MKKS: variants seen among roughly 807,000 people sequenced by gnomAD.
MKKS encodes MKKS centrosomal shuttling protein.
In MKKS, 29 loss-of-function variants were observed where a neutral mutation model predicts 33.2. That is an observed-to-expected ratio of 0.87 (90% CI 0.65 to 1.19). The LOEUF is 1.19. Ranked by LOEUF, MKKS falls within the 50% of genes most tolerant of loss-of-function variation. The pLI is 0.00. For missense variants in MKKS, 661 were observed against 662.3 expected (o/e 1.00, Z 0.02); for synonymous variants, 260 against 244.0 (o/e 1.07, Z -0.61).
chr20:10,412,772 A>T lies in MKKS; in HGVS notation c.743T>A (p.Leu248Ter). ...TCCAGTGTCAGAAGTGTCTCCGGAT[A>T]AAGTTGTACAAAAGAGTGCCACCTT... Reference protein sequence around the residue: ...ALKVALFCTTLSGDTSDTGEG... With the variant: ...ALKVALFCTT The change falls in exon 3 of 6, where the codon TTA becomes TAA. Residue 248 changes from leucine to a stop codon, truncating the protein, a stop_gained. Transcript: ENST00000347364. LOFTEE classifies it high-confidence loss of function. 1.9e-6 allele frequency: 3 copies of T among 1,614,198 alleles called. No individual in the cohort carries two copies. The highest frequency in any genetic ancestry group is 2.5e-6 in the Non-Finnish European group (3 of 1,180,042).
intron 1 of MKKS, among the ~76,000 whole-genome samples, chr20:10,432,928 G>A (rs187029399): frequency 3.6e-4 from 55 of 152,008 alleles, no homozygotes; most frequent in Admixed American, 1.8e-3. Context: ...TTGTTACACT[G>A]CAGTGTTTAG....
intron 2 of MKKS, among the ~76,000 whole-genome samples, chr20:10,414,485 G>A (rs895224237): frequency 6.6e-6 from 1 of 151,948 alleles, no homozygotes; most frequent in Non-Finnish European, 1.5e-5. Context: ...GGTTGGTCTC[G>A]AACTCCTGAC....
chr20:10,430,046 C>A (rs1439792633), intron 1 of MKKS, among the ~76,000 whole-genome samples: 1 of 148,478 alleles, frequency 6.7e-6, no homozygotes, highest in Non-Finnish European at 1.5e-5. Context: ...AACAAAAAAA[C>A]AAAAACAAAA....
In MKKS at chr20:10,420,703, ACTTTGTAGT is replaced by A. The variant is rs910464672; in HGVS notation, c.-602_-594del. 18 of 152,134 alleles carry A rather than the reference ACTTTGTAGT, an allele frequency of 1.2e-4. No homozygotes were observed. The highest frequency in any genetic ancestry group is 3.6e-4 in the African/African-American group (15 of 41,432). The allele number at this position is 152,134 out of a possible 1,614,324, so 9.4% of individuals were successfully genotyped here. On this transcript the variant is annotated 5_prime_UTR_variant, in exon 2 of 6. Coordinates refer to ENST00000347364, the MANE Select transcript of MKKS (RefSeq NM_170784.3). ...AACTAAAGGGACCATAACAACCAAAACTTTGTAGTCTCTCCACAAGTTCCGAAGGCTCAT... is the reference window on the plus strand; with the variant it reads ...AACTAAAGGGACCATAACAACCAAAACTCTCCACAAGTTCCGAAGGCTCAT...
chr20:10,426,159 T>C (rs1243549660), intron 1 of MKKS, among the ~76,000 whole-genome samples: 3 of 152,230 alleles, frequency 2.0e-5, no homozygotes, highest in African/African-American at 7.2e-5. Flanking sequence ...GAAGAAACAT[T>C]AAATGATTGA....
At chr20:10,410,682 C>G (rs2122229987) in intron 3 of MKKS, among the ~76,000 whole-genome samples, 1 of 152,226 alleles carries the variant, frequency 6.6e-6, no homozygotes, top group Admixed American at 6.5e-5. Flanking sequence ...GGCACCCATC[C>G]ACAGTAACAC....
chr20:10,408,478 A>T, intron 4 of MKKS, 150 bp downstream of exon 4: 1 of 764,052 alleles, frequency 1.3e-6, no homozygotes, highest in Non-Finnish European at 2.2e-6. Flanking sequence ...ACAGGCATTT[A>T]AATTAGCTTA....
rs1304026081 is a variant in MKKS, at chr20:10,403,611, C to T, written c.*1636G>A. On this transcript the variant is annotated 3_prime_UTR_variant, in exon 6 of 6. Transcript: ENST00000347364. ...AGAAAAGTTATCTGCCTTCTACTCA[C>T]AGCATAAAATTATGGATAAGGCATA... 1 of 152,184 alleles carries T rather than the reference C, an allele frequency of 6.6e-6. No individual in the cohort carries two copies. The highest frequency in any genetic ancestry group is 1.5e-5 in the Non-Finnish European group (1 of 68,048). The allele number at this position is 152,184 out of a possible 1,614,324, so 9.4% of individuals were successfully genotyped here.
intron 2 of MKKS, among the ~76,000 whole-genome samples, chr20:10,419,922 C>T (rs1002223414): frequency 1.3e-5 from 2 of 152,174 alleles, no homozygotes; most frequent in Non-Finnish European, 2.9e-5. Flanking sequence ...GAAAGCCAAA[C>T]TGCGGATAAA....
intron 2 of MKKS, among the ~76,000 whole-genome samples, chr20:10,418,695 C>T (rs536985021): frequency 3.2e-4 from 48 of 152,074 alleles, no homozygotes; most frequent in Non-Finnish European, 6.0e-4. Flanking sequence ...TTTCTTTTTG[C>T]ATGAGAAGAA....
At position 10,403,365 on chromosome 20, in the gene MKKS, G is replaced by A. The variant is rs2064820818; in HGVS notation, c.*1882C>T. The A allele has an allele frequency of 6.6e-6, 1 of 152,182 alleles. No homozygotes were observed. Among genetic ancestry groups the A allele is most frequent in the African/African-American group, 2.4e-5 (1 of 41,424 alleles). 9.4% of individuals were successfully genotyped at this position (152,182 alleles called of 1,614,324 possible). On this transcript the variant is annotated 3_prime_UTR_variant, in exon 6 of 6. Coordinates refer to ENST00000347364, the MANE Select transcript of MKKS (RefSeq NM_170784.3). ...AGTGAGATTATTGGGAACCATCTTA[G>A]AGGCTGCCTACCACATGCAAAATAC...
At position 10,413,586 on chromosome 20, in the gene MKKS, C is replaced by G. The variant is rs918176570; in HGVS notation, c.-72G>C. On this transcript the variant is annotated 5_prime_UTR_variant, in exon 3 of 6. Transcript: ENST00000347364. ...CACATTTTTCTATTTATTGCATTAT[C>G]ACGTTTTAACATTAAAAATTATTCT... 1.3e-6 allele frequency: 2 copies of G among 1,486,718 alleles called. No individual in the cohort carries two copies. The highest frequency in any genetic ancestry group is 1.4e-5 in the African/African-American group (1 of 71,962). 92.1% of individuals were successfully genotyped at this position (1,486,718 alleles called of 1,614,324 possible).
At chr20:10,419,446 C>T (rs2064964054) in intron 2 of MKKS, among the ~76,000 whole-genome samples, 2 of 152,118 alleles carry the variant, frequency 1.3e-5, no homozygotes, top group African/African-American at 4.8e-5. Flanking sequence ...TGCAGTGAAA[C>T]TCAATTTTCA....
rs1365841743 is a variant in MKKS at position 10,403,080 on chromosome 20, C to T, written c.*2167G>A. On this transcript the variant is annotated 3_prime_UTR_variant, in exon 6 of 6. Transcript: ENST00000347364. ...ACTGGGGAGAACCTGCTTCCAAATT[C>T]ACTCTTGTGGTTATTGGTACGATTC... is the stretch of plus-strand genomic sequence containing the variant. 3.3e-5 allele frequency: 5 copies of T among 152,164 alleles called. No individual in the cohort carries two copies. The highest frequency in any genetic ancestry group is 1.2e-4 in the African/African-American group (5 of 41,428). The allele number at this position is 152,164 out of a possible 1,614,324, so 9.4% of individuals were successfully genotyped here.
intron 1 of MKKS, among the ~76,000 whole-genome samples, chr20:10,425,482 A>G (rs938829471): frequency 6.6e-6 from 1 of 152,256 alleles, no homozygotes; most frequent in Non-Finnish European, 1.5e-5. Flanking sequence ...ACTTGACAAG[A>G]AAGTTTTTAA....
At chr20:10,408,861 A>G (rs142933185) in intron 3 of MKKS, 58 bp from the exon 4 acceptor site, 1 of 1,325,664 alleles carries the variant, frequency 7.5e-7, no homozygotes, top group Non-Finnish European at 1.1e-6. Flanking sequence ...GCAAACAACC[A>G]TTTAAAAGTA....
chr20:10,413,821 G>T lies in MKKS; in HGVS notation c.-307C>A. ...CTCTGCAAAAAGTATGTTCCAAGATGGACACCTATGAAAGATATCCCAGCT... is the reference window on the plus strand; with the variant it reads ...CTCTGCAAAAAGTATGTTCCAAGATTGACACCTATGAAAGATATCCCAGCT... On this transcript the variant is annotated 5_prime_UTR_variant, in exon 3 of 6. Transcript: ENST00000347364. 2.0e-6 allele frequency: 1 copy of T among 506,180 alleles called. No homozygotes were observed. Among genetic ancestry groups the T allele is most frequent in the African/African-American group, 1.9e-5 (1 of 51,862 alleles). The allele number at this position is 506,180 out of a possible 1,614,324, so 31.4% of individuals were successfully genotyped here. A position where few individuals can be genotyped will look rare whatever the true frequency, so the allele number is the denominator to read the frequency against.
chr20:10,434,125 C>CGCCGCCCCAG lies in MKKS; in HGVS notation c.-676_-667dup, dbSNP rs922647656. 4.1e-5 allele frequency: 6 copies of CGCCGCCCCAG among 147,722 alleles called. No individual in the cohort carries two copies. The highest frequency in any genetic ancestry group is 9.0e-5 in the Non-Finnish European group (6 of 66,336). The allele number at this position is 147,722 out of a possible 1,614,324, so 9.2% of individuals were successfully genotyped here. On this transcript the variant is annotated 5_prime_UTR_variant, in exon 1 of 6. Coordinates refer to ENST00000347364, the MANE Select transcript of MKKS (RefSeq NM_170784.3). Reference sequence around the variant, plus strand: ...GCTCTCACCTGCGCACCAGCCGTCGCGCCGCCCCAGGCCGCCACCGCCAGA... The same window carrying CGCCGCCCCAG: ...GCTCTCACCTGCGCACCAGCCGTCGCGCCGCCCCAGGCCGCCCCAGGCCGCCACCGCCAGA...
At chr20:10,405,906 T>C (rs971905022) in intron 5 of MKKS, among the ~76,000 whole-genome samples, 3 of 152,126 alleles carry the variant, frequency 2.0e-5, no homozygotes, top group Non-Finnish European at 4.4e-5. Context: ...TAAAAATGTA[T>C]ATACTACCAG....
Sources: gnomAD v4.1 joint callset for allele counts (sites outside exome capture counted in the v4.1 genomes callset) on GRCh38, gnomAD v4.1.1 for gene constraint, MANE v1.5 for transcripts, NCBI Gene and HGNC (gene_info 2026-07-23, HGNC 2026-07-21) for gene names.